PTPRT: variants seen among roughly 807,000 people sequenced by gnomAD.
PTPRT encodes the protein protein tyrosine phosphatase receptor type T.
Under a neutral mutation model 176.8 loss-of-function variants are expected in PTPRT, and 56 were observed. The ratio of observed to expected loss-of-function variants is 0.32; its 90% CI spans 0.26 to 0.40. The LOEUF (loss-of-function observed/expected upper bound fraction) is 0.40, where lower values mean the gene tolerates loss of function less well. PTPRT is among the 10% of genes least tolerant of loss of function. The pLI is 1.00. For missense variants in PTPRT, 1,540 were observed against 1,908.2 expected (o/e 0.81, Z 3.60); for synonymous variants, 783 against 739.0 (o/e 1.06, Z -0.96).
chr20:42,844,442 G>A (rs971740482), intron 2 of PTPRT, among the ~76,000 whole-genome samples: 3 of 152,142 alleles, frequency 2.0e-5, no homozygotes, highest in Non-Finnish European at 4.4e-5. Context: ...CTTTCTATGA[G>A]AGTCATAGTC....
At chr20:42,741,230 T>A (rs935929931) in intron 6 of PTPRT, among the ~76,000 whole-genome samples, 1 of 152,206 alleles carries the variant, frequency 6.6e-6, no homozygotes, top group Non-Finnish European at 1.5e-5. Flanking sequence ...TCTGTTGGCA[T>A]CATGGTTGAT....
chr20:42,639,882 G>A (rs544510981), intron 7 of PTPRT, among the ~76,000 whole-genome samples: 15 of 152,058 alleles, frequency 9.9e-5, no homozygotes, highest in Non-Finnish European at 1.5e-4. Flanking sequence ...GCCATGGTCC[G>A]TCAGCATTTC....
chr20:42,981,407 TC>T (rs1473497039), intron 1 of PTPRT, among the ~76,000 whole-genome samples: 4 of 152,222 alleles, frequency 2.6e-5, no homozygotes, highest in African/African-American at 7.2e-5. Context: ...CCTTGGGTTA[TC>T]CCTTCCCACA....
At chr20:42,428,091 C>T (rs779557712) in intron 9 of PTPRT, among the ~76,000 whole-genome samples, 4 of 152,132 alleles carry the variant, frequency 2.6e-5, no homozygotes, top group Non-Finnish European at 5.9e-5. Context: ...CTCACACGGA[C>T]GCACATGAAA....
chr20:42,590,927 CGTGTGTGTGTGTGTGTGTGTGTGTGT>C (rs11468131), intron 7 of PTPRT, among the ~76,000 whole-genome samples: 1 of 130,994 alleles, frequency 7.6e-6, no homozygotes, highest in South Asian at 2.7e-4. Flanking sequence ...AGAGATTTAG[CGTGTGTGTGTGTGTGTGTGTGTGTGT>C]GTGTGTGTGT....
intron 2 of PTPRT, among the ~76,000 whole-genome samples, chr20:42,845,329 G>A (rs904200298): frequency 6.6e-6 from 1 of 152,112 alleles, no homozygotes; most frequent in Non-Finnish European, 1.5e-5. Flanking sequence ...TGTAAAATGG[G>A]AGTGTTATAT....
At chr20:42,119,877 C>A in intron 20 of PTPRT, 58 bp downstream of exon 20, 1 of 1,498,886 alleles carries the variant, frequency 6.7e-7, no homozygotes, top group Admixed American at 1.9e-5. Context: ...TAAGAGAGCC[C>A]TTTCCCCTGG....
intron 13 of PTPRT, among the ~76,000 whole-genome samples, chr20:42,249,557 T>G (rs2056515222): frequency 6.6e-6 from 1 of 152,116 alleles, no homozygotes; most frequent in African/African-American, 2.4e-5. Context: ...TCACAAACAT[T>G]CCCAAAGGTA....
At chr20:42,469,188 T>A (rs2071151128) in intron 8 of PTPRT, among the ~76,000 whole-genome samples, 1 of 152,064 alleles carries the variant, frequency 6.6e-6, no homozygotes, top group Non-Finnish European at 1.5e-5. Context: ...CGAGAATCTA[T>A]AAGATAAGTA....
chr20:42,707,107 A>T (rs144516868), intron 6 of PTPRT, among the ~76,000 whole-genome samples: 1 of 152,214 alleles, frequency 6.6e-6, no homozygotes, highest in Admixed American at 6.5e-5. Context: ...GGCCCTGCTA[A>T]CACCTTGCTG....
At chr20:42,399,973 G>A (rs1200451278) in intron 9 of PTPRT, among the ~76,000 whole-genome samples, 3 of 152,170 alleles carry the variant, frequency 2.0e-5, no homozygotes, top group Non-Finnish European at 4.4e-5. Flanking sequence ...TGGACTGAAT[G>A]TTAACAGTTG....
In PTPRT at chr20:42,561,401, T is replaced by C. The variant is rs1040385052; in HGVS notation, c.1154-88839A>G. 7.2e-5 allele frequency among the ~76,000 whole-genome samples: 11 copies of C among 152,310 alleles called. 1 individual carries two copies. Among genetic ancestry groups the C allele is most frequent in the East Asian group, 3.9e-4 (2 of 5,174 alleles). The stretch of plus-strand genomic sequence containing the variant: ...AGTTGTTTCTGGATTGCAAGTGTCA[T>C]TGATGCATATTTAATACCAATGACA... On this transcript the variant is annotated intron_variant, in intron 7 of 30. Coordinates refer to ENST00000373187, the MANE Select transcript of PTPRT (RefSeq NM_007050.6).
intron 7 of PTPRT, among the ~76,000 whole-genome samples, chr20:42,499,787 C>T (rs2071721476): frequency 6.6e-6 from 1 of 152,134 alleles, no homozygotes; most frequent in Non-Finnish European, 1.5e-5. Context: ...GAAAATAACC[C>T]TTGTATAAGT....
chr20:42,808,418 G>A (rs868099349), intron 2 of PTPRT, among the ~76,000 whole-genome samples: 2 of 152,082 alleles, frequency 1.3e-5, no homozygotes, highest in African/African-American at 4.8e-5. Flanking sequence ...GAGAAGGAAC[G>A]ATCATTTCAG....
chr20:42,548,234 A>C (rs2072709562), intron 7 of PTPRT, among the ~76,000 whole-genome samples: 1 of 152,122 alleles, frequency 6.6e-6, no homozygotes, highest in Admixed American at 6.5e-5. Context: ...CTTAAAATTT[A>C]TAAGAAAGAA....
chr20:42,358,996 G>A (rs1466611606), intron 9 of PTPRT, among the ~76,000 whole-genome samples: 1 of 152,180 alleles, frequency 6.6e-6, no homozygotes, highest in Non-Finnish European at 1.5e-5. Context: ...AGGCCATCAA[G>A]AGAGACACAG....
At chr20:42,046,161 A>T in the PTPRT span, among the ~76,000 whole-genome samples, 1 of 152,160 alleles carries the variant, frequency 6.6e-6, no homozygotes, top group Non-Finnish European at 1.5e-5. Context: ...CCCAAGGTCC[A>T]TTAGGGTCTT....
intron 2 of PTPRT, among the ~76,000 whole-genome samples, chr20:42,869,617 A>T (rs1336605784): frequency 2.6e-5 from 4 of 152,340 alleles, no homozygotes; most frequent in Middle Eastern, 3.4e-3. Flanking sequence ...GCTGGAGAGC[A>T]ATTTGCCTCA....
intron 1 of PTPRT, among the ~76,000 whole-genome samples, chr20:42,921,915 C>A (rs1168954268): frequency 6.6e-6 from 1 of 152,150 alleles, no homozygotes; most frequent in Admixed American, 6.6e-5. Context: ...TCAGATTCCA[C>A]ACAGCGTTCT....
Sources: gnomAD v4.1 joint callset for allele counts (sites outside exome capture counted in the v4.1 genomes callset) on GRCh38, gnomAD v4.1.1 for gene constraint, MANE v1.5 for transcripts, NCBI Gene and HGNC (gene_info 2026-07-23, HGNC 2026-07-21) for gene names.